The following ZFAND3 variants were observed in gnomAD, a reference collection of about 807,000 sequenced individuals.
The protein encoded by ZFAND3 is AN1-type zinc finger protein 3.
Under a neutral mutation model 29.6 loss-of-function variants are expected in ZFAND3, and 10 were observed. The ratio of observed to expected loss-of-function variants is 0.34; its 90% confidence interval spans 0.21 to 0.57. The LOEUF (loss-of-function observed/expected upper bound fraction) is 0.57, where lower values mean the gene tolerates loss of function less well. Among genes scored for constraint, ZFAND3 ranks in the 20% least tolerant of loss-of-function variants. The pLI, the probability that ZFAND3 is intolerant of heterozygous loss-of-function variation, is 0.86. For missense variants in ZFAND3, 230 were observed against 304.5 expected, an observed-to-expected ratio of 0.76 and a Z score of 1.82; for synonymous variants, 128 against 112.6, an observed-to-expected ratio of 1.14 and a Z score of -0.87.
At chr6:38,063,841 G>T (rs1454908793) in intron 3 of ZFAND3, among the ~76,000 whole-genome samples, 1 of 152,026 alleles carries the variant, frequency 6.6e-6, no homozygotes, top group African/African-American at 2.4e-5. Context: ...AAGTAACCTT[G>T]GTTGTATTGA....
intron 2 of ZFAND3, among the ~76,000 whole-genome samples, chr6:37,985,797 T>C (rs531836683): frequency 6.6e-6 from 1 of 152,196 alleles, no homozygotes; most frequent in Admixed American, 6.5e-5. Flanking sequence ...TAAAGGAGAA[T>C]TAAGTTAGAA....
intron 4 of ZFAND3, among the ~76,000 whole-genome samples, chr6:38,086,622 C>T (rs1764763370): frequency 6.6e-6 from 1 of 152,170 alleles, no homozygotes; most frequent in South Asian, 2.1e-4. Flanking sequence ...AGAAGATTCC[C>T]TTTTGTCCCT....
chr6:38,042,064 C>T (rs558979542), intron 2 of ZFAND3, among the ~76,000 whole-genome samples: 12 of 150,948 alleles, frequency 7.9e-5, no homozygotes, highest in African/African-American at 2.7e-4. Context: ...TCTTGAACTC[C>T]TGGCTGCAGG....
At chr6:38,087,870 G>T (rs989105188) in intron 4 of ZFAND3, among the ~76,000 whole-genome samples, 2 of 152,134 alleles carry the variant, frequency 1.3e-5, no homozygotes, top group Admixed American at 1.3e-4. Flanking sequence ...TACTGAAGTG[G>T]TATCTGCACT....
At chr6:38,085,312 A>G (rs1012338372) in intron 4 of ZFAND3, among the ~76,000 whole-genome samples, 2 of 152,200 alleles carry the variant, frequency 1.3e-5, no homozygotes, top group African/African-American at 2.4e-5. Context: ...CTTAGGAGAC[A>G]CAGAGTGAGA....
At chr6:37,846,715 T>G (rs542290261) in intron 1 of ZFAND3, among the ~76,000 whole-genome samples, 14 of 151,248 alleles carry the variant, frequency 9.3e-5, no homozygotes, top group East Asian at 1.9e-4. Context: ...TTTTTTTTTT[T>G]TTGTTTTTTT....
chr6:37,957,336 A>G (rs1367798313), intron 2 of ZFAND3, among the ~76,000 whole-genome samples: 1 of 151,002 alleles, frequency 6.6e-6, no homozygotes, highest in African/African-American at 2.4e-5. Context: ...TTGAATTCCA[A>G]GACTCTTTTT....
intron 2 of ZFAND3, among the ~76,000 whole-genome samples, chr6:38,043,334 T>TA (rs1057229082): frequency 7.8e-4 from 112 of 144,114 alleles, no homozygotes; most frequent in South Asian, 1.3e-3. Context: ...GATTTTAGGT[T>TA]AAAAAAAAAA....
chr6:37,875,506 C>T (rs1236969080), intron 1 of ZFAND3, among the ~76,000 whole-genome samples: 7 of 151,782 alleles, frequency 4.6e-5, no homozygotes, highest in Admixed American at 2.0e-4. Context: ...TAAAGAGCAT[C>T]CCAGAACTCT....
At chr6:37,940,401 T>C (rs950192386) in intron 2 of ZFAND3, among the ~76,000 whole-genome samples, 5 of 152,232 alleles carry the variant, frequency 3.3e-5, no homozygotes. Flanking sequence ...AGTAAAAAGA[T>C]GGGACATTAT....
At chr6:37,891,416 T>TCCCCCCCCCACCCCCCCC (rs1765096547) in intron 1 of ZFAND3, among the ~76,000 whole-genome samples, 1 of 117,136 alleles carries the variant, frequency 8.5e-6, no homozygotes, top group African/African-American at 3.8e-5. Flanking sequence ...GAGATTTCAG[T>TCCCCCCCCCACCCCCCCC]CCCCCCCCCC....
chr6:38,061,746 T>G lies in ZFAND3; in HGVS notation c.266T>G (p.Leu89Arg), dbSNP rs1175574875. Residue 89 changes from leucine (L) to arginine (R), a missense_variant, in exon 3 of 6, where the codon CTG becomes CGG. Transcript: ENST00000287218. ...SPSQQPLPTE[L>R]NVTSPSKEEC... ...AGCCAGCAGCCGCTTCCGACAGAAC[T>G]GAATGTAACTTCACCGAGTAAAGAG... The G allele has an allele frequency of 6.2e-7, 1 of 1,614,120 alleles. No homozygotes were observed. Among genetic ancestry groups the G allele is most frequent in the Non-Finnish European group, 8.5e-7 (1 of 1,180,004 alleles).
intron 4 of ZFAND3, among the ~76,000 whole-genome samples, chr6:38,087,924 CCAG>C (rs1311571464): frequency 6.6e-6 from 1 of 152,136 alleles, no homozygotes; most frequent in East Asian, 1.9e-4. Flanking sequence ...AAGAATGTTT[CCAG>C]CATGAAATGT....
intron 1 of ZFAND3, among the ~76,000 whole-genome samples, chr6:37,895,406 C>T (rs1388248982): frequency 6.7e-6 from 1 of 148,220 alleles, no homozygotes; most frequent in African/African-American, 2.5e-5. Context: ...GTGATCTCCG[C>T]TCACTGCAAC....
intron 5 of ZFAND3, chr6:38,142,165 C>T: frequency 2.1e-6 from 1 of 470,856 alleles, no homozygotes; most frequent in South Asian, 1.5e-5. Flanking sequence ...TCTCTCCCTA[C>T]CCCAGTTTCT....
chr6:38,128,141 C>CAA (rs1245951050), intron 5 of ZFAND3, among the ~76,000 whole-genome samples: 1 of 152,152 alleles, frequency 6.6e-6, no homozygotes, highest in Non-Finnish European at 1.5e-5. Context: ...AGTATTTAGT[C>CAA]AAAATAATCG....
At chr6:37,865,189 AAAAT>A (rs1349015316) in intron 1 of ZFAND3, among the ~76,000 whole-genome samples, 6 of 152,216 alleles carry the variant, frequency 3.9e-5, no homozygotes, top group African/African-American at 1.4e-4. Context: ...AAAAAAATAA[AAAAT>A]AAAAACTTTA....
At chr6:37,829,982 AT>A (rs1392450167) in intron 1 of ZFAND3, among the ~76,000 whole-genome samples, 1 of 152,194 alleles carries the variant, frequency 6.6e-6, no homozygotes, top group Non-Finnish European at 1.5e-5. Flanking sequence ...TACAAACTGC[AT>A]TTTCTTACCC....
At chr6:37,931,471 G>A (rs1409672228) in intron 2 of ZFAND3, among the ~76,000 whole-genome samples, 1 of 151,706 alleles carries the variant, frequency 6.6e-6, no homozygotes, top group African/African-American at 2.4e-5. Flanking sequence ...CTTGAACCTG[G>A]GAGGCAGAGG....
Sources: gnomAD v4.1 joint callset for allele counts (sites outside exome capture counted in the v4.1 genomes callset) on GRCh38, gnomAD v4.1.1 for gene constraint, MANE v1.5 for transcripts, NCBI Gene and HGNC (gene_info 2026-07-23, HGNC 2026-07-21) for gene names.